The following AOPEP variants were observed in gnomAD, a reference collection of about 807,000 sequenced individuals.
The protein encoded by AOPEP is aminopeptidase O (putative).
Under a neutral mutation model 98.1 loss-of-function variants are expected in AOPEP, and 77 were observed. That is an observed-to-expected ratio of 0.78 (90% CI 0.65 to 0.95). The LOEUF (loss-of-function observed/expected upper bound fraction) is 0.95, where lower values mean the gene tolerates loss of function less well. Among genes scored for constraint, AOPEP ranks in the 40% least tolerant of loss-of-function variants. The pLI is 0.00. For missense variants in AOPEP, 1,024 were observed against 1,024.7 expected (o/e 1.00, Z 0.01); for synonymous variants, 346 against 365.3 (o/e 0.95, Z 0.60).
intron 11 of AOPEP, among the ~76,000 whole-genome samples, chr9:94,985,083 TCTC>T (rs2060433272): frequency 6.6e-6 from 1 of 152,190 alleles, no homozygotes; most frequent in African/African-American, 2.4e-5. Context: ...TGTACCTCAG[TCTC>T]CTCTTTGGAG....
intron 5 of AOPEP, chr9:94,921,068 T>TAA (rs2053541546): frequency 5.6e-5 from 5 of 89,452 alleles, no homozygotes; most frequent in African/African-American, 9.3e-5. Context: ...ACTCTGTGAT[T>TAA]TAAAAAAAAA....
chr9:94,769,901 G>T (rs528669636), intron 2 of AOPEP, among the ~76,000 whole-genome samples: 7 of 152,366 alleles, frequency 4.6e-5, no homozygotes, highest in Non-Finnish European at 1.0e-4. Context: ...GATAGCTAAA[G>T]AGGACATAAT....
the AOPEP span, chr9:95,099,279 T>C: frequency 4.5e-6 from 1 of 221,362 alleles, no homozygotes; most frequent in Non-Finnish European, 9.0e-6. Context: ...CAAAAACTCC[T>C]GCTAGAGTAA....
the AOPEP span, among the ~76,000 whole-genome samples, chr9:95,147,857 C>G: frequency 2.6e-5 from 4 of 152,220 alleles, no homozygotes. Context: ...TCTGGACTTA[C>G]TGTATTGCTT....
chr9:94,732,220 T>A (rs1310450642), intron 1 of AOPEP, among the ~76,000 whole-genome samples: 1 of 150,594 alleles, frequency 6.6e-6, no homozygotes, highest in Non-Finnish European at 1.5e-5. Context: ...ATTCTCCCCA[T>A]GTTTGATAAT....
At chr9:94,872,773 T>G (rs2135666912) in intron 5 of AOPEP, among the ~76,000 whole-genome samples, 1 of 152,318 alleles carries the variant, frequency 6.6e-6, no homozygotes, top group East Asian at 1.9e-4. Flanking sequence ...CCTACTCATT[T>G]GGAAAGAAAA....
chr9:95,035,981 T>C (rs190643859), intron 13 of AOPEP, among the ~76,000 whole-genome samples: 17 of 152,336 alleles, frequency 1.1e-4, no homozygotes, highest in Admixed American at 8.5e-4. Flanking sequence ...GGGTGGTGAC[T>C]GTAGACCCCC....
intron 13 of AOPEP, among the ~76,000 whole-genome samples, chr9:95,047,304 C>G (rs2065938671): frequency 6.6e-6 from 1 of 152,170 alleles, no homozygotes; most frequent in African/African-American, 2.4e-5. Context: ...TTCAGTAGTT[C>G]ATTGCCTGAT....
chr9:94,739,880 C>G (rs920689879), intron 1 of AOPEP, among the ~76,000 whole-genome samples: 8 of 152,074 alleles, frequency 5.3e-5, no homozygotes, highest in African/African-American at 1.9e-4. Flanking sequence ...AGAGCCCTCC[C>G]CATCTTGAGG....
At chr9:94,948,900 A>G (rs572129646) in intron 7 of AOPEP, among the ~76,000 whole-genome samples, 1 of 152,224 alleles carries the variant, frequency 6.6e-6, no homozygotes, top group African/African-American at 2.4e-5. Flanking sequence ...CCACTAGCCC[A>G]TCCTGAAGTT....
At chr9:94,759,518 C>G in intron 1 of AOPEP, 131 bp from the exon 2 acceptor site, 1 of 386,638 alleles carries the variant, frequency 2.6e-6, no homozygotes, top group Admixed American at 4.2e-5. Flanking sequence ...GATAAGTCAG[C>G]CTTCTAGCCA....
chr9:95,011,862 C>T (rs757446389), intron 13 of AOPEP, among the ~76,000 whole-genome samples: 2 of 152,126 alleles, frequency 1.3e-5, no homozygotes, highest in Non-Finnish European at 2.9e-5. Flanking sequence ...TCCAAGATTT[C>T]TGTGTACAAA....
At chr9:94,943,940 A>G (rs896433483) in intron 7 of AOPEP, among the ~76,000 whole-genome samples, 2 of 151,156 alleles carry the variant, frequency 1.3e-5, no homozygotes, top group Non-Finnish European at 2.9e-5. Flanking sequence ...AAAAAAAAAA[A>G]AAAAAAACAG....
chr9:95,132,469 C>T, the AOPEP span, among the ~76,000 whole-genome samples: 6 of 152,098 alleles, frequency 3.9e-5, no homozygotes, highest in East Asian at 1.9e-4. Flanking sequence ...TATGGTCTTC[C>T]CGTGCCCATG....
intron 1 of AOPEP, among the ~76,000 whole-genome samples, chr9:94,758,343 A>G (rs1837517892): frequency 6.6e-6 from 1 of 152,322 alleles, no homozygotes; most frequent in East Asian, 1.9e-4. Flanking sequence ...AAGTAGCTAG[A>G]AACTGGATTG....
At chr9:95,087,786 G>A (rs2070804829), downstream of AOPEP, among the ~76,000 whole-genome samples, 1 of 152,198 alleles carries the variant, frequency 6.6e-6, no homozygotes, top group African/African-American at 2.4e-5. Context: ...GGGGCAGAAT[G>A]TTTGAAAATG....
chr9:94,810,350 T>C (rs1410708595), intron 5 of AOPEP, among the ~76,000 whole-genome samples: 1 of 151,526 alleles, frequency 6.6e-6, no homozygotes, highest in East Asian at 1.9e-4. Flanking sequence ...AGTCTCGCTC[T>C]GTCACCCAGG....
At chr9:95,100,552 CCAATA>C in the AOPEP span, 3 of 231,526 alleles carry the variant, frequency 1.3e-5, no homozygotes, top group Non-Finnish European at 2.6e-5. Context: ...GAATGTACAA[CCAATA>C]CAATTCCAGA....
intron 14 of AOPEP, among the ~76,000 whole-genome samples, chr9:95,062,620 C>G (rs1265203418): frequency 2.6e-5 from 4 of 152,178 alleles, no homozygotes; most frequent in African/African-American, 4.8e-5. Flanking sequence ...AAAGGAGGGA[C>G]GAGATTACTA....
Sources: gnomAD v4.1 joint callset for allele counts (sites outside exome capture counted in the v4.1 genomes callset) on GRCh38, gnomAD v4.1.1 for gene constraint, MANE v1.5 for transcripts, NCBI Gene and HGNC (gene_info 2026-07-23, HGNC 2026-07-21) for gene names.